The following PARP8 variants were observed in gnomAD, a reference collection of about 807,000 sequenced individuals.
PARP8 encodes protein mono-ADP-ribosyltransferase PARP8.
A neutral mutation model predicts 124.1 loss-of-function variants in PARP8; 51 were observed. That is an observed-to-expected ratio of 0.41 (90% confidence interval 0.33 to 0.52). The LOEUF is 0.52. Among genes scored for constraint, PARP8 ranks in the 20% least tolerant of loss-of-function variants. The pLI, the probability that PARP8 is intolerant of heterozygous loss-of-function variation, is 0.21. For missense variants in PARP8, 860 were observed against 1,018.9 expected, an observed-to-expected ratio of 0.84 and a Z score of 2.12; for synonymous variants, 391 against 361.5, an observed-to-expected ratio of 1.08 and a Z score of -0.93.
intron 2 of PARP8, among the ~76,000 whole-genome samples, chr5:50,723,077 G>A (rs115361875): frequency 3.4e-4 from 52 of 152,128 alleles, no homozygotes; most frequent in African/African-American, 1.1e-3. Context: ...ATATATTCTC[G>A]CCTCTTACAT....
At chr5:50,673,816 T>C (rs1401637661) in intron 2 of PARP8, among the ~76,000 whole-genome samples, 1 of 152,216 alleles carries the variant, frequency 6.6e-6, no homozygotes, top group Non-Finnish European at 1.5e-5. Context: ...ATTTGGCAAA[T>C]CCATGTAAAT....
intron 21 of PARP8, among the ~76,000 whole-genome samples, chr5:50,829,211 C>A (rs1466300410): frequency 2.6e-5 from 4 of 152,074 alleles, no homozygotes; most frequent in Admixed American, 2.6e-4. Flanking sequence ...TTTCATCCTG[C>A]ACATTTCACT....
chr5:50,805,586 A>G (rs757400393), intron 14 of PARP8, among the ~76,000 whole-genome samples: 4 of 152,104 alleles, frequency 2.6e-5, no homozygotes, highest in African/African-American at 4.8e-5. Context: ...ATTCTGTTAC[A>G]CTTTTTAAAA....
intron 7 of PARP8, among the ~76,000 whole-genome samples, chr5:50,774,702 C>G (rs1739733342): frequency 7.2e-6 from 1 of 139,160 alleles, no homozygotes; most frequent in Non-Finnish European, 1.5e-5. Flanking sequence ...TCCTTACTTC[C>G]CAGACGGGGC....
At position 50,781,703 on chromosome 5, in the gene PARP8, G is replaced by A. The variant is rs553982661; in HGVS notation, c.670+3053G>A. Among the ~76,000 whole-genome samples, 4 of 152,274 alleles carry A rather than the reference G, an allele frequency of 2.6e-5. No individual in the cohort carries two copies. In the East Asian group the frequency reaches 7.7e-4, roughly 29 times the overall value. ...AGCTTTCTTTTTCCTGGGGAGTGCA[G>A]ATAAGTACTTGGCAGTTTTTTTAAT... is the stretch of plus-strand genomic sequence containing the variant. On this transcript the variant is annotated intron_variant, in intron 9 of 25. Transcript: ENST00000281631.
At chr5:50,785,395 G>A (rs955237709) in intron 9 of PARP8, among the ~76,000 whole-genome samples, 1 of 151,808 alleles carries the variant, frequency 6.6e-6, no homozygotes, top group African/African-American at 2.4e-5. Flanking sequence ...AGTTTTCTCC[G>A]GTAAAGGCAT....
At chr5:50,730,535 C>A (rs748679126) in intron 2 of PARP8, among the ~76,000 whole-genome samples, 2 of 152,112 alleles carry the variant, frequency 1.3e-5, no homozygotes, top group Non-Finnish European at 1.5e-5. Flanking sequence ...AAATTACCTC[C>A]CACCGGGTCC....
intron 14 of PARP8, among the ~76,000 whole-genome samples, chr5:50,805,468 C>T (rs1391347356): frequency 6.6e-6 from 1 of 151,890 alleles, no homozygotes; most frequent in African/African-American, 2.4e-5. Context: ...TCAACACCAC[C>T]CGGAAAATAT....
At chr5:50,802,399 C>T (rs1743327834) in intron 14 of PARP8, among the ~76,000 whole-genome samples, 1 of 152,124 alleles carries the variant, frequency 6.6e-6, no homozygotes, top group Admixed American at 6.6e-5. Context: ...ACTGAAGCCT[C>T]CAACTTCTGG....
intron 2 of PARP8, among the ~76,000 whole-genome samples, chr5:50,671,543 C>T (rs114807615): frequency 0.025 from 3,863 of 151,730 alleles, 75 homozygotes; most frequent in Middle Eastern, 0.052. Context: ...AGAAGAAATA[C>T]GCCAAAAAGA....
intron 25 of PARP8, among the ~76,000 whole-genome samples, chr5:50,835,729 A>T (rs749607082): frequency 6.6e-6 from 1 of 152,194 alleles, no homozygotes; most frequent in Non-Finnish European, 1.5e-5. Flanking sequence ...TCTACATTCC[A>T]TATAATACAG....
chr5:50,834,187 C>G, intron 24 of PARP8, 139 bp downstream of exon 24: 1 of 654,660 alleles, frequency 1.5e-6, no homozygotes, highest in East Asian at 3.0e-5. Context: ...GGCACAAATG[C>G]AAAAACGGGT....
chr5:50,718,813 T>G (rs1369871506), intron 2 of PARP8, among the ~76,000 whole-genome samples: 2 of 152,016 alleles, frequency 1.3e-5, no homozygotes, highest in Non-Finnish European at 2.9e-5. Flanking sequence ...CATACTGGTG[T>G]TCTTTCTTTT....
chr5:50,777,969 T>G, intron 7 of PARP8, 100 bp from the exon 8 acceptor site: 4 of 834,696 alleles, frequency 4.8e-6, no homozygotes, highest in Non-Finnish European at 5.8e-6. Context: ...AAATCAAGGA[T>G]GAGAATTAGT....
chr5:50,825,784 T>C (rs1213633408), intron 18 of PARP8, among the ~76,000 whole-genome samples: 1 of 152,126 alleles, frequency 6.6e-6, no homozygotes, highest in Non-Finnish European at 1.5e-5. Context: ...ACTTATACCA[T>C]GCTACGACCA....
At chr5:50,695,808 A>G (rs1752965319) in intron 2 of PARP8, among the ~76,000 whole-genome samples, 2 of 152,170 alleles carry the variant, frequency 1.3e-5, no homozygotes, top group Admixed American at 1.3e-4. Context: ...GTACCTGAAC[A>G]ATGTTTTTGT....
chr5:50,667,028 C>A lies in PARP8; in HGVS notation c.-68C>A. 1 of 1,585,262 alleles carries A rather than the reference C, an allele frequency of 6.3e-7. No homozygotes were observed. Among genetic ancestry groups the A allele is most frequent in the Non-Finnish European group, 8.5e-7 (1 of 1,173,138 alleles). The stretch of plus-strand genomic sequence containing the variant: ...ATTTTTAACTGAATATTTACGAAAG[C>A]TGGAAGCGTGCGAGGGGGGTGGGGT... On this transcript the variant is annotated 5_prime_UTR_variant, in exon 1 of 26. The change creates a new upstream start codon in the 5' untranslated region. Transcript: ENST00000281631.
chr5:50,804,554 T>G (rs1004006746), intron 14 of PARP8, among the ~76,000 whole-genome samples: 1 of 152,172 alleles, frequency 6.6e-6, no homozygotes, highest in Non-Finnish European at 1.5e-5. Flanking sequence ...CTCTAGTATA[T>G]CTACTTTGGA....
At chr5:50,691,735 A>G (rs185871489) in intron 2 of PARP8, among the ~76,000 whole-genome samples, 20 of 152,216 alleles carry the variant, frequency 1.3e-4, no homozygotes, top group African/African-American at 4.6e-4. Flanking sequence ...CACAAACTGG[A>G]CAGTTTAAGA....
Sources: gnomAD v4.1 joint callset for allele counts (sites outside exome capture counted in the v4.1 genomes callset) on GRCh38, gnomAD v4.1.1 for gene constraint, MANE v1.5 for transcripts, NCBI Gene and HGNC (gene_info 2026-07-23, HGNC 2026-07-21) for gene names.